The following LRP1B variants were observed in gnomAD, a reference collection of about 807,000 sequenced individuals.
LRP1B encodes the protein low-density lipoprotein receptor-related protein 1B.
A neutral mutation model predicts 556.6 loss-of-function variants in LRP1B; 217 were observed. The observed-to-expected ratio is 0.39, with a 90% CI of 0.35 to 0.44. The LOEUF (loss-of-function observed/expected upper bound fraction) is 0.44, where lower values mean the gene tolerates loss of function less well. Among genes scored for constraint, LRP1B ranks in the 20% least tolerant of loss-of-function variants. The pLI, the probability that LRP1B is intolerant of heterozygous loss-of-function variation, is 1.00. For synonymous variants in LRP1B, 2,047 were observed against 1,865.8 expected (o/e 1.10, Z -2.50); for missense variants, 5,053 against 5,620.8 (o/e 0.90, Z 3.23).
chr2:140,863,005 G>A (rs1009002313), intron 27 of LRP1B, among the ~76,000 whole-genome samples: 3 of 152,060 alleles, frequency 2.0e-5, no homozygotes, highest in African/African-American at 7.2e-5. Flanking sequence ...TACCCTTCCT[G>A]GTTTTTAGGC....
chr2:140,646,192 T>C (rs1410853239), intron 41 of LRP1B, among the ~76,000 whole-genome samples: 1 of 152,208 alleles, frequency 6.6e-6, no homozygotes, highest in East Asian at 1.9e-4. Context: ...CCATTAATTG[T>C]TTCTTTTCCC....
intron 41 of LRP1B, among the ~76,000 whole-genome samples, chr2:140,618,566 C>T (rs1683336688): frequency 6.6e-6 from 1 of 152,144 alleles, no homozygotes; most frequent in Non-Finnish European, 1.5e-5. Context: ...AATAATATCT[C>T]TTCATGCCAT....
Position 140,526,275 on chromosome 2 carries a change from T to C in LRP1B, c.7838A>G (p.Asn2613Ser), listed in dbSNP as rs1690430479. The C allele has an allele frequency of 6.2e-7, 1 of 1,611,992 alleles. No individual in the cohort carries two copies. The highest frequency in any genetic ancestry group is 8.5e-7 in the Non-Finnish European group (1 of 1,178,602). Residue 2613 changes from asparagine (N) to serine (S), a missense_variant, in exon 48 of 91, where the codon AAC becomes AGC. By Grantham distance (46) the Asn-to-Ser change is conservative. Coordinates refer to ENST00000389484, the MANE Select transcript of LRP1B (RefSeq NM_018557.3). The part of the protein sequence containing the change: ...CIPRSARCNQ[N>S]IDCADASDEK... ...ATCTGAAGCATCTGCACAATCTATG[T>C]TCTGGTTGCATCGTGCTGATCTTGG...
chr2:142,080,583 A>T (rs1446251374), intron 1 of LRP1B, among the ~76,000 whole-genome samples: 1 of 149,612 alleles, frequency 6.7e-6, no homozygotes, highest in Non-Finnish European at 1.5e-5. Context: ...GTGTTGAAAT[A>T]ATTCAGCCCA....
At chr2:140,683,027 G>T (rs1685918807) in intron 41 of LRP1B, among the ~76,000 whole-genome samples, 3 of 152,096 alleles carry the variant, frequency 2.0e-5, no homozygotes, top group African/African-American at 7.2e-5. Context: ...TACACTTCCT[G>T]CAGTTTAAAT....
chr2:142,017,955 CTT>C (rs11431816), intron 1 of LRP1B, among the ~76,000 whole-genome samples: 1 of 147,246 alleles, frequency 6.8e-6, no homozygotes. Flanking sequence ...CTGACACGCT[CTT>C]TTTTTTTTTT....
At chr2:141,518,905 G>T (rs954433206) in intron 2 of LRP1B, among the ~76,000 whole-genome samples, 3 of 151,988 alleles carry the variant, frequency 2.0e-5, no homozygotes, top group Admixed American at 6.6e-5. Flanking sequence ...AGCTGAGATC[G>T]TGCCATTGCA....
chr2:141,165,501 A>G (rs1191049347), intron 7 of LRP1B, among the ~76,000 whole-genome samples: 2 of 152,006 alleles, frequency 1.3e-5, no homozygotes, highest in Non-Finnish European at 2.9e-5. Context: ...TACATCATTT[A>G]TTAGATTTAT....
At chr2:140,742,267 T>C (rs1345004461) in intron 35 of LRP1B, among the ~76,000 whole-genome samples, 1 of 152,186 alleles carries the variant, frequency 6.6e-6, no homozygotes, top group African/African-American at 2.4e-5. Flanking sequence ...AAAGGGATTA[T>C]TGAAAGTTAT....
At chr2:141,813,873 G>A (rs890275566) in intron 1 of LRP1B, among the ~76,000 whole-genome samples, 3 of 152,148 alleles carry the variant, frequency 2.0e-5, no homozygotes, top group Non-Finnish European at 4.4e-5. Context: ...AGCAGCAAGA[G>A]GGGGTCTAAA....
At chr2:142,123,559 C>T (rs1036819419) in intron 1 of LRP1B, among the ~76,000 whole-genome samples, 1 of 151,756 alleles carries the variant, frequency 6.6e-6, no homozygotes, top group African/African-American at 2.4e-5. Context: ...GTATGCAACT[C>T]AGGAAGAGAT....
At chr2:140,971,756 C>A (rs1314922761) in intron 18 of LRP1B, among the ~76,000 whole-genome samples, 1 of 152,192 alleles carries the variant, frequency 6.6e-6, no homozygotes. Flanking sequence ...ATGGTGTGAA[C>A]CCAAGAGGTG....
chr2:141,191,699 T>C (rs1681518982), intron 6 of LRP1B, among the ~76,000 whole-genome samples: 1 of 150,784 alleles, frequency 6.6e-6, no homozygotes, highest in Admixed American at 6.6e-5. Context: ...TTTCAACCAG[T>C]CCATTAACCA....
chr2:141,551,145 A>T (rs2009574), intron 2 of LRP1B, among the ~76,000 whole-genome samples: 52,140 of 151,888 alleles, frequency 0.34, 9,838 homozygotes, highest in Non-Finnish European at 0.43. Context: ...AATATTACAT[A>T]GATGTGTATT....
intron 2 of LRP1B, among the ~76,000 whole-genome samples, chr2:141,519,259 A>T (rs1438355162): frequency 6.6e-6 from 1 of 151,168 alleles, no homozygotes; most frequent in Admixed American, 6.6e-5. Flanking sequence ...ATACCTATCA[A>T]TCAGGATGTG....
intron 27 of LRP1B, among the ~76,000 whole-genome samples, chr2:140,861,188 C>T (rs1405143598): frequency 6.6e-6 from 1 of 152,114 alleles, no homozygotes; most frequent in African/African-American, 2.4e-5. Flanking sequence ...GGGCAGATCA[C>T]CTGAGGTCAG....
intron 66 of LRP1B, among the ~76,000 whole-genome samples, chr2:140,387,683 C>A (rs1007420306): frequency 1.3e-5 from 2 of 151,484 alleles, no homozygotes; most frequent in Admixed American, 6.6e-5. Context: ...ATATTATGTC[C>A]ACTTTGTCTG....
intron 4 of LRP1B, among the ~76,000 whole-genome samples, chr2:141,249,180 T>A (rs1038595810): frequency 6.6e-6 from 1 of 152,054 alleles, no homozygotes; most frequent in Non-Finnish European, 1.5e-5. Context: ...TGGAAGTCAA[T>A]AGCATATATA....
chr2:140,714,569 A>G (rs1254492425), intron 37 of LRP1B, among the ~76,000 whole-genome samples: 1 of 152,180 alleles, frequency 6.6e-6, no homozygotes, highest in African/African-American at 2.4e-5. Context: ...AAGAGGTTCT[A>G]TATAATATAA....
Sources: gnomAD v4.1 joint callset for allele counts (sites outside exome capture counted in the v4.1 genomes callset) on GRCh38, gnomAD v4.1.1 for gene constraint, MANE v1.5 for transcripts, NCBI Gene and HGNC (gene_info 2026-07-23, HGNC 2026-07-21) for gene names.